The following SLC14A2 variants were observed in gnomAD, a reference collection of about 807,000 sequenced individuals.
SLC14A2 encodes solute carrier family 14 member 2, also known as urea transporter 2.
Under a neutral mutation model 104.6 loss-of-function variants are expected in SLC14A2, and 91 were observed. That is an observed-to-expected ratio of 0.87 (90% CI 0.73 to 1.04). SLC14A2 has a LOEUF of 1.04. Among genes scored for constraint, SLC14A2 ranks in the 50% least tolerant of loss-of-function variants. The probability of loss-of-function intolerance (pLI) is 0.00; values close to 1 mark genes in which losing one functional copy is unlikely to be tolerated. For synonymous variants in SLC14A2, 476 were observed against 466.4 expected (o/e 1.02, Z -0.27); for missense variants, 1,189 against 1,156.0 (o/e 1.03, Z -0.41).
At chr18:45,660,178 T>G (rs2045915565) in intron 10 of SLC14A2, among the ~76,000 whole-genome samples, 1 of 152,116 alleles carries the variant, frequency 6.6e-6, no homozygotes, top group Non-Finnish European at 1.5e-5. Flanking sequence ...CAGTAATGTG[T>G]TCAACAAACT....
intron 2 of SLC14A2, among the ~76,000 whole-genome samples, chr18:45,609,786 C>T (rs2044940812): frequency 6.6e-6 from 1 of 152,064 alleles, no homozygotes; most frequent in African/African-American, 2.4e-5. Flanking sequence ...AATTGTGTAC[C>T]ACCTATAACT....
In SLC14A2 at chr18:45,421,070, A is replaced by G. The variant is rs561461615; in HGVS notation, c.-124-62163A>G. Among the ~76,000 whole-genome samples, 4 of 152,136 alleles carry G rather than the reference A, an allele frequency of 2.6e-5. No homozygotes were observed. In the South Asian group the frequency reaches 6.3e-4, roughly 24 times the overall value. The stretch of plus-strand genomic sequence containing the variant: ...TTTCTTAAATAAACTTCTTCTCATT[A>G]AAGTTCTGCATCCTTTCCCTCCACA... On this transcript the variant is annotated intron_variant, in intron 1 of 20. Coordinates refer to the SLC14A2 transcript ENST00000586448.
At position 45,294,225 on chromosome 18, in the gene SLC14A2, A is replaced by T. The variant is rs527469198; in HGVS notation, c.-125+81034A>T. On this transcript the variant is annotated intron_variant, in intron 1 of 20. Transcript: ENST00000586448. Reference sequence around the variant, plus strand: ...GCTTTTCCCTTGTGTGGGAATATATATATATAGAAAGAGTGATTAAGCAAG... The same window carrying T: ...GCTTTTCCCTTGTGTGGGAATATATTTATATAGAAAGAGTGATTAAGCAAG... Among the ~76,000 whole-genome samples, 10 of 152,282 alleles carry T rather than the reference A, an allele frequency of 6.6e-5. No individual in the cohort carries two copies. The South Asian group carries it at 1.0e-3, about 16-fold the overall frequency.
chr18:45,403,102 A>G (rs2086113719), intron 1 of SLC14A2, among the ~76,000 whole-genome samples: 1 of 152,212 alleles, frequency 6.6e-6, no homozygotes, highest in South Asian at 2.1e-4. Flanking sequence ...TAAGGTCCCA[A>G]CAGGGTTAGT....
chr18:45,417,944 G>A (rs1466489922), intron 1 of SLC14A2, among the ~76,000 whole-genome samples: 1 of 152,134 alleles, frequency 6.6e-6, no homozygotes, highest in East Asian at 1.9e-4. Context: ...GGAACCTGTA[G>A]TCATTCCAAT....
At chr18:45,322,074 T>C (rs1019600442) in intron 1 of SLC14A2, among the ~76,000 whole-genome samples, 7 of 152,210 alleles carry the variant, frequency 4.6e-5, no homozygotes, top group Non-Finnish European at 8.8e-5. Flanking sequence ...AAGTTTAGAT[T>C]ATTTTGATCC....
intron 19 of SLC14A2, among the ~76,000 whole-genome samples, chr18:45,679,759 A>C (rs1026511539): frequency 3.3e-5 from 5 of 152,216 alleles, no homozygotes; most frequent in African/African-American, 1.2e-4. Flanking sequence ...GCTTGGACTT[A>C]GCATAAGAAG....
the SLC14A2 span, among the ~76,000 whole-genome samples, chr18:45,182,392 A>T: frequency 6.6e-6 from 1 of 151,990 alleles, no homozygotes; most frequent in Non-Finnish European, 1.5e-5. Flanking sequence ...AGACCTTTCA[A>T]CATTGATTTA....
intron 2 of SLC14A2, among the ~76,000 whole-genome samples, chr18:45,496,831 C>T (rs1568241796): frequency 6.6e-6 from 1 of 152,162 alleles, no homozygotes; most frequent in Non-Finnish European, 1.5e-5. Flanking sequence ...CTTCTGGCTG[C>T]CTTCTTTCTC....
intron 2 of SLC14A2, among the ~76,000 whole-genome samples, chr18:45,605,533 G>T (rs1201215715): frequency 6.6e-6 from 1 of 152,170 alleles, no homozygotes; most frequent in African/African-American, 2.4e-5. Flanking sequence ...TCTGATTGCG[G>T]TAAGAAGAAT....
chr18:45,424,102 T>A (rs2086388241), intron 1 of SLC14A2: 1 of 152,142 alleles, frequency 6.6e-6, no homozygotes. Flanking sequence ...GTTGAAGACG[T>A]CACGTAACAG....
At chr18:45,477,870 G>T (rs1004264696) in intron 1 of SLC14A2, among the ~76,000 whole-genome samples, 27 of 152,214 alleles carry the variant, frequency 1.8e-4, no homozygotes, top group African/African-American at 6.3e-4. Flanking sequence ...ACTTCAGACT[G>T]CTGTGCTGGC....
intron 1 of SLC14A2, among the ~76,000 whole-genome samples, chr18:45,481,623 T>C (rs2087495021): frequency 6.6e-6 from 1 of 152,212 alleles, no homozygotes; most frequent in East Asian, 1.9e-4. Context: ...TTGAATTCAG[T>C]TTATCCAGCT....
At chr18:45,427,736 A>T (rs2086454776) in intron 1 of SLC14A2, among the ~76,000 whole-genome samples, 1 of 152,154 alleles carries the variant, frequency 6.6e-6, no homozygotes, top group African/African-American at 2.4e-5. Flanking sequence ...ATGTGACTAT[A>T]TTTGGGAAGA....
intron 1 of SLC14A2, among the ~76,000 whole-genome samples, chr18:45,408,768 T>A (rs1329473959): frequency 6.7e-6 from 1 of 150,156 alleles, no homozygotes; most frequent in African/African-American, 2.5e-5. Context: ...AGAAAAAGAG[T>A]GTGATGAGAG....
At chr18:45,335,928 G>C (rs557721545) in intron 1 of SLC14A2, among the ~76,000 whole-genome samples, 2 of 152,190 alleles carry the variant, frequency 1.3e-5, no homozygotes, top group Non-Finnish European at 2.9e-5. Context: ...GGCTTCCTCA[G>C]CATCTTTGCA....
intron 1 of SLC14A2, among the ~76,000 whole-genome samples, chr18:45,248,475 C>G (rs2084388943): frequency 6.6e-6 from 1 of 152,024 alleles, no homozygotes; most frequent in Non-Finnish European, 1.5e-5. Context: ...CCTGTTCCCC[C>G]CGAGATCTCA....
At chr18:45,589,346 A>G (rs1413252004) in intron 2 of SLC14A2, among the ~76,000 whole-genome samples, 1 of 152,174 alleles carries the variant, frequency 6.6e-6, no homozygotes, top group Non-Finnish European at 1.5e-5. Flanking sequence ...AGGTACCCCA[A>G]ATGAATATAC....
At chr18:45,455,709 T>C (rs2086932432) in intron 1 of SLC14A2, among the ~76,000 whole-genome samples, 1 of 152,076 alleles carries the variant, frequency 6.6e-6, no homozygotes, top group Non-Finnish European at 1.5e-5. Flanking sequence ...GTTTTAGACA[T>C]TGGGACTAGA....
Sources: gnomAD v4.1 joint callset for allele counts (sites outside exome capture counted in the v4.1 genomes callset) on GRCh38, gnomAD v4.1.1 for gene constraint, MANE v1.5 for transcripts, NCBI Gene and HGNC (gene_info 2026-07-23, HGNC 2026-07-21) for gene names.